LRP1B: variants seen among roughly 807,000 people sequenced by gnomAD.
The protein encoded by LRP1B is low-density lipoprotein receptor-related protein 1B.
In LRP1B, 217 loss-of-function variants were observed where a neutral mutation model predicts 556.6. The observed-to-expected ratio is 0.39, with a 90% CI of 0.35 to 0.44. The LOEUF is 0.44. Among genes scored for constraint, LRP1B ranks in the 20% least tolerant of loss-of-function variants. The pLI, the probability that LRP1B is intolerant of heterozygous loss-of-function variation, is 1.00. For synonymous variants in LRP1B, 2,047 were observed against 1,865.8 expected, an observed-to-expected ratio of 1.10 and a Z score of -2.50; for missense variants, 5,053 against 5,620.8, an observed-to-expected ratio of 0.90 and a Z score of 3.23.
intron 3 of LRP1B, among the ~76,000 whole-genome samples, chr2:141,363,111 A>G (rs773022039): frequency 3.9e-5 from 6 of 152,118 alleles, no homozygotes; most frequent in Non-Finnish European, 7.4e-5. Flanking sequence ...ATAACCCAAA[A>G]TGCTTTGTAC....
At chr2:140,621,869 T>C (rs969329031) in intron 41 of LRP1B, among the ~76,000 whole-genome samples, 3 of 152,212 alleles carry the variant, frequency 2.0e-5, no homozygotes, top group African/African-American at 7.2e-5. Context: ...ATGCTGATCT[T>C]CATCTGACTT....
intron 1 of LRP1B, among the ~76,000 whole-genome samples, chr2:141,865,507 G>T (rs1369033907): frequency 6.8e-6 from 1 of 147,458 alleles, no homozygotes; most frequent in Non-Finnish European, 1.5e-5. Context: ...CAGGAGAATG[G>T]CGTGAACCCG....
intron 3 of LRP1B, among the ~76,000 whole-genome samples, chr2:141,375,142 CAT>C (rs1456146889): frequency 6.6e-6 from 1 of 152,040 alleles, no homozygotes; most frequent in African/African-American, 2.4e-5. Context: ...TAGCAATACA[CAT>C]AGGTCAGTAG....
intron 66 of LRP1B, among the ~76,000 whole-genome samples, chr2:140,400,766 C>A (rs1203921906): frequency 6.6e-6 from 1 of 151,272 alleles, no homozygotes. Context: ...CAGGCAGAAG[C>A]CTACATTGTG....
At chr2:141,881,252 G>A (rs1455155706) in intron 1 of LRP1B, among the ~76,000 whole-genome samples, 2 of 152,118 alleles carry the variant, frequency 1.3e-5, no homozygotes, top group Non-Finnish European at 2.9e-5. Context: ...ATGCCTCTCT[G>A]AAGTATGCAG....
intron 41 of LRP1B, among the ~76,000 whole-genome samples, chr2:140,650,758 G>T (rs1684655272): frequency 1.3e-5 from 2 of 152,042 alleles, no homozygotes; most frequent in Non-Finnish European, 2.9e-5. Context: ...AAAATCTCAG[G>T]GGAAGTACAA....
chr2:141,863,941 A>G (rs1698328748), intron 1 of LRP1B, among the ~76,000 whole-genome samples: 1 of 152,316 alleles, frequency 6.6e-6, no homozygotes, highest in South Asian at 2.1e-4. Context: ...TATATTGCCT[A>G]TGTCTAAAAT....
chr2:142,010,170 C>T (rs746537797), intron 1 of LRP1B, among the ~76,000 whole-genome samples: 1 of 152,006 alleles, frequency 6.6e-6, no homozygotes, highest in African/African-American at 2.4e-5. Flanking sequence ...GTGACAGGTA[C>T]TGAGTACAGG....
chr2:142,072,908 T>G (rs887521171), intron 1 of LRP1B, among the ~76,000 whole-genome samples: 11 of 152,084 alleles, frequency 7.2e-5, no homozygotes, highest in African/African-American at 2.7e-4. Flanking sequence ...AAAATCTCTA[T>G]GCCTGTAATT....
chr2:141,123,394 T>C (rs1482165207), intron 7 of LRP1B, among the ~76,000 whole-genome samples: 1 of 152,060 alleles, frequency 6.6e-6, no homozygotes, highest in Non-Finnish European at 1.5e-5. Context: ...TAAATATGCA[T>C]ATTTAATTGA....
chr2:140,402,301 A>T (rs1684539750), intron 66 of LRP1B, among the ~76,000 whole-genome samples: 1 of 152,110 alleles, frequency 6.6e-6, no homozygotes, highest in African/African-American at 2.4e-5. Context: ...ATCAGGGAAA[A>T]TCTGCAGCTT....
At chr2:140,807,581 G>A in intron 32 of LRP1B, among the ~76,000 whole-genome samples, 1 of 146,344 alleles carries the variant, frequency 6.8e-6, no homozygotes, top group Admixed American at 7.0e-5. Flanking sequence ...TTGAACTCCT[G>A]ATCTCGTGAT....
At chr2:141,938,180 G>A (rs568308506) in intron 1 of LRP1B, among the ~76,000 whole-genome samples, 1 of 152,192 alleles carries the variant, frequency 6.6e-6, no homozygotes, top group Non-Finnish European at 1.5e-5. Flanking sequence ...CCTACAGACT[G>A]AAAATTTATT....
intron 3 of LRP1B, among the ~76,000 whole-genome samples, chr2:141,306,403 C>T (rs1686589931): frequency 1.3e-5 from 2 of 151,850 alleles, no homozygotes; most frequent in Admixed American, 1.3e-4. Flanking sequence ...TTTAGGTTTT[C>T]CAATTTGGTA....
intron 3 of LRP1B, among the ~76,000 whole-genome samples, chr2:141,259,460 G>T (rs1684605997): frequency 6.6e-6 from 1 of 152,174 alleles, no homozygotes; most frequent in Non-Finnish European, 1.5e-5. Flanking sequence ...ATATAACGTA[G>T]AGAGTAATTG....
chr2:141,417,450 A>G lies in LRP1B; in HGVS notation c.343+62946T>C, dbSNP rs566961020. ...TCTGTTTCAATGAGACAACAGCATTAGATACCCCATATAAGTAGAATCATG... is the reference window on the plus strand; with the variant it reads ...TCTGTTTCAATGAGACAACAGCATTGGATACCCCATATAAGTAGAATCATG... On this transcript the variant is annotated intron_variant, in intron 3 of 90. Coordinates refer to ENST00000389484, the MANE Select transcript of LRP1B (RefSeq NM_018557.3). 2.0e-5 allele frequency among the ~76,000 whole-genome samples: 3 copies of G among 152,310 alleles called. No individual in the cohort carries two copies. The East Asian group carries it at 5.8e-4, about 29-fold the overall frequency.
At position 141,336,535 on chromosome 2, in the gene LRP1B, C is replaced by CTGT. The variant is rs767117298; in HGVS notation, c.344-81897_344-81895dup. Among the ~76,000 whole-genome samples the CTGT allele has an allele frequency of 3.9e-5, 6 of 152,158 alleles. 1 individual carries two copies. The East Asian group carries it at 7.7e-4, about 20-fold the overall frequency. On this transcript the variant is annotated intron_variant, in intron 3 of 90. Coordinates refer to ENST00000389484, the MANE Select transcript of LRP1B (RefSeq NM_018557.3). ...TGTTAATTTTGCTTACAATTTTTAA[C>CTGT]TGTTATAGTTTAATTTTTTCTCATT...
intron 11 of LRP1B, among the ~76,000 whole-genome samples, chr2:141,033,434 C>A (rs1198348599): frequency 6.6e-6 from 1 of 151,878 alleles, no homozygotes; most frequent in African/African-American, 2.4e-5. Context: ...TGAGAATAAG[C>A]TATAGGGGAG....
Position 141,692,653 on chromosome 2 carries a change from T to C in LRP1B, c.205+117626A>G, listed in dbSNP as rs538445022. Among the ~76,000 whole-genome samples, 106 of 152,092 alleles carry C rather than the reference T, an allele frequency of 7.0e-4. 2 individuals carry two copies. In the South Asian group the frequency reaches 0.02, roughly 29 times the overall value. On this transcript the variant is annotated intron_variant, in intron 2 of 90. Transcript: ENST00000389484. ...GAGTCCCTCCAAGAAGGGTATATGT[T>C]CTGAGAAACGTGTGCTTAGGTCATT...
Sources: gnomAD v4.1 joint callset for allele counts (sites outside exome capture counted in the v4.1 genomes callset) on GRCh38, gnomAD v4.1.1 for gene constraint, MANE v1.5 for transcripts, NCBI Gene and HGNC (gene_info 2026-07-23, HGNC 2026-07-21) for gene names.